The following NDUFAF2 variants were observed in gnomAD, a reference collection of about 807,000 sequenced individuals.
NDUFAF2 encodes NADH:ubiquinone oxidoreductase complex assembly factor 2, also known as NADH dehydrogenase [ubiquinone] 1 alpha subcomplex assembly factor 2.
Under a neutral mutation model 22.8 loss-of-function variants are expected in NDUFAF2, and 13 were observed. That is an observed-to-expected ratio of 0.57 (90% CI 0.37 to 0.91). The LOEUF (loss-of-function observed/expected upper bound fraction) is 0.91. NDUFAF2 is among the 40% of genes least tolerant of loss of function. The pLI is 0.01. For synonymous variants in NDUFAF2, 53 were observed against 64.2 expected (o/e 0.83, Z 0.84); for missense variants, 162 against 195.2 (o/e 0.83, Z 1.01).
chr5:61,107,090 C>CACACACACACACACAT (rs918380662), intron 3 of NDUFAF2, among the ~76,000 whole-genome samples: 75 of 146,150 alleles, frequency 5.1e-4, no homozygotes, highest in African/African-American at 1.8e-3. Context: ...CACACACACA[C>CACACACACACACACAT]ATATATGCCT....
At chr5:60,991,181 T>A (rs1243762129) in intron 1 of NDUFAF2, among the ~76,000 whole-genome samples, 1 of 152,100 alleles carries the variant, frequency 6.6e-6, no homozygotes, top group Non-Finnish European at 1.5e-5. Flanking sequence ...AAAAAATGTT[T>A]TTAAAAATGT....
At chr5:61,007,544 T>C (rs910839461) in intron 1 of NDUFAF2, among the ~76,000 whole-genome samples, 1 of 152,034 alleles carries the variant, frequency 6.6e-6, no homozygotes, top group African/African-American at 2.4e-5. Flanking sequence ...AAAAAACATA[T>C]GAAAAAATGA....
intron 1 of NDUFAF2, among the ~76,000 whole-genome samples, chr5:60,985,757 C>G (rs1751065135): frequency 6.6e-6 from 1 of 152,110 alleles, no homozygotes; most frequent in Non-Finnish European, 1.5e-5. Flanking sequence ...CATCAGATCT[C>G]AGGAGACTCA....
At chr5:61,048,546 A>G (rs985918984) in intron 1 of NDUFAF2, among the ~76,000 whole-genome samples, 3 of 152,084 alleles carry the variant, frequency 2.0e-5, no homozygotes, top group African/African-American at 7.2e-5. Context: ...AAGGTTGGGG[A>G]TAATGGAAGT....
At chr5:61,138,833 G>A (rs1741006528) in intron 3 of NDUFAF2, among the ~76,000 whole-genome samples, 1 of 152,206 alleles carries the variant, frequency 6.6e-6, no homozygotes, top group African/African-American at 2.4e-5. Context: ...CTTGTTTCAA[G>A]TGTAGTCTAA....
At chr5:61,006,156 A>G (rs1456669943) in intron 1 of NDUFAF2, among the ~76,000 whole-genome samples, 7 of 152,204 alleles carry the variant, frequency 4.6e-5, no homozygotes, top group Non-Finnish European at 8.8e-5. Context: ...AGCTTTCTAC[A>G]TATGGCTAGC....
intron 3 of NDUFAF2, among the ~76,000 whole-genome samples, chr5:61,126,704 C>A (rs1446741951): frequency 6.6e-6 from 1 of 151,894 alleles, no homozygotes; most frequent in Non-Finnish European, 1.5e-5. Flanking sequence ...TGTAATAAGT[C>A]CAGTGACATA....
intron 1 of NDUFAF2, among the ~76,000 whole-genome samples, chr5:60,947,417 A>G (rs1750475884): frequency 1.3e-5 from 2 of 152,004 alleles, no homozygotes; most frequent in South Asian, 2.1e-4. Flanking sequence ...TCATGTGCTT[A>G]TTTACTATCT....
chr5:61,125,802 C>A (rs1387473634), intron 3 of NDUFAF2, among the ~76,000 whole-genome samples: 1 of 151,922 alleles, frequency 6.6e-6, no homozygotes, highest in Admixed American at 6.6e-5. Context: ...TTGTTATAGG[C>A]CAAGTCTTTT....
intron 2 of NDUFAF2, among the ~76,000 whole-genome samples, chr5:61,091,656 G>T (rs1310901035): frequency 6.6e-6 from 1 of 152,084 alleles, no homozygotes; most frequent in East Asian, 1.9e-4. Context: ...CTTTTGCTGT[G>T]CAAAAGTTCT....
chr5:61,010,056 A>C (rs1376875087), intron 1 of NDUFAF2, among the ~76,000 whole-genome samples: 1 of 152,006 alleles, frequency 6.6e-6, no homozygotes, highest in Admixed American at 6.6e-5. Flanking sequence ...AGGCTCTTGA[A>C]TCCTTCCACT....
chr5:61,023,502 A>G (rs1015626631), intron 1 of NDUFAF2, among the ~76,000 whole-genome samples: 1 of 152,092 alleles, frequency 6.6e-6, no homozygotes, highest in South Asian at 2.1e-4. Context: ...ACTAGGGACT[A>G]TGTATTCTAT....
At chr5:60,945,837 A>T (rs1471883524) in intron 1 of NDUFAF2, among the ~76,000 whole-genome samples, 5 of 152,114 alleles carry the variant, frequency 3.3e-5, no homozygotes, top group Non-Finnish European at 7.4e-5. Context: ...TGAGTGGTGT[A>T]ATTGAAGAGG....
chr5:60,952,824 T>C (rs1028426738), intron 1 of NDUFAF2, among the ~76,000 whole-genome samples: 9 of 152,166 alleles, frequency 5.9e-5, no homozygotes, highest in Non-Finnish European at 1.3e-4. Flanking sequence ...TGTCTTTTAC[T>C]CTTTCCAGTT....
At chr5:60,976,843 G>A (rs1419032122) in intron 1 of NDUFAF2, among the ~76,000 whole-genome samples, 4 of 152,090 alleles carry the variant, frequency 2.6e-5, no homozygotes, top group Non-Finnish European at 4.4e-5. Flanking sequence ...ATTTAGGGAG[G>A]CAGATGGTAT....
intron 3 of NDUFAF2, among the ~76,000 whole-genome samples, chr5:61,144,482 T>C (rs1004350576): frequency 6.6e-5 from 10 of 152,226 alleles, no homozygotes; most frequent in African/African-American, 2.2e-4. Flanking sequence ...ATAATATTCC[T>C]AAAAAATATT....
intron 3 of NDUFAF2, among the ~76,000 whole-genome samples, chr5:61,147,429 TTTTC>T (rs1467991170): frequency 3.0e-5 from 4 of 134,470 alleles, no homozygotes; most frequent in Non-Finnish European, 6.5e-5. Context: ...TTGTATTTTT[TTTTC>T]TTTCTTTTTT....
intron 1 of NDUFAF2, among the ~76,000 whole-genome samples, chr5:60,980,015 A>G (rs1022797557): frequency 6.6e-6 from 1 of 152,194 alleles, no homozygotes; most frequent in African/African-American, 2.4e-5. Context: ...CAGGGAATCC[A>G]GGGAATTCTG....
At chr5:61,133,814 CATT>C (rs1471838269) in intron 3 of NDUFAF2, among the ~76,000 whole-genome samples, 1 of 152,172 alleles carries the variant, frequency 6.6e-6, no homozygotes, top group Non-Finnish European at 1.5e-5. Flanking sequence ...ATGTGCTAGA[CATT>C]GTTGTAGGCC....
Sources: allele counts gnomAD v4.1 joint callset (sites outside exome capture counted in the v4.1 genomes callset), GRCh38; gene constraint gnomAD v4.1.1; transcripts MANE v1.5; gene names NCBI Gene and HGNC (gene_info 2026-07-23, HGNC 2026-07-21).